Variants in ZNF404 observed in about 807,000 individuals in gnomAD.
ZNF404 encodes zinc finger protein 404.
In ZNF404, 7 loss-of-function variants were observed where a neutral mutation model predicts 7.3. That is an observed-to-expected ratio of 0.95 (90% CI 0.54 to 1.79). ZNF404 has a LOEUF of 1.79. ZNF404 is among the 40% of genes most tolerant of loss of function. ZNF404 has a pLI of 0.00. For missense variants in ZNF404, 560 were observed against 661.5 expected, an observed-to-expected ratio of 0.85 and a Z score of 1.68; for synonymous variants, 191 against 209.9, an observed-to-expected ratio of 0.91 and a Z score of 0.78.
intron 2 of ZNF404, among the ~76,000 whole-genome samples, chr19:43,879,727 A>G (rs1465682845): frequency 1.3e-5 from 2 of 152,228 alleles, no homozygotes; most frequent in South Asian, 2.1e-4. Context: ...CTTTGCAGAA[A>G]AATACCAGAA....
At chr19:43,881,956 T>TAAA (rs1971897948) in intron 1 of ZNF404, among the ~76,000 whole-genome samples, 1 of 19,388 alleles carries the variant, frequency 5.2e-5, no homozygotes, top group Non-Finnish European at 9.5e-5. Flanking sequence ...AAACTCTGTC[T>TAAA]CAAAAAAAAA....
rs1386824717 is a variant in ZNF404 at position 43,877,942 on chromosome 19, A to G, written c.136+2068T>C. ...CATTTTTATGGCTGCATAGTATTCC[A>G]TGGTGTATATGTGCCACATTTTCTT... is the stretch of plus-strand genomic sequence containing the variant. On this transcript the variant is annotated intron_variant, in intron 2 of 2. Transcript: ENST00000587539. Among the ~76,000 whole-genome samples, 3 of 145,594 alleles carry G rather than the reference A, an allele frequency of 2.1e-5. No homozygotes were observed. In the Admixed American group the frequency reaches 2.1e-4, roughly 10 times the overall value.
At position 43,880,201 on chromosome 19, in the gene ZNF404, A is replaced by G. The variant is rs1971885611; in HGVS notation, c.10-65T>C. ...AAGACTTTTCAAGATGGAACATTAAATTGCAATAAAGGGGCAATATGTAAA... is the reference window on the plus strand; with the variant it reads ...AAGACTTTTCAAGATGGAACATTAAGTTGCAATAAAGGGGCAATATGTAAA... On this transcript the variant is annotated intron_variant, in intron 1 of 2. Coordinates refer to ENST00000587539, the MANE Select transcript of ZNF404 (RefSeq NM_001033719.3). The G allele has an allele frequency of 4.8e-6, 7 of 1,447,172 alleles. No individual in the cohort carries two copies. In the East Asian group the frequency reaches 1.4e-4, roughly 28 times the overall value. The allele number at this position is 1,447,172 out of a possible 1,614,324, so 89.6% of individuals were successfully genotyped here. A position where few individuals can be genotyped will look rare whatever the true frequency, so the allele number is the denominator to read the frequency against.
intron 1 of ZNF404, among the ~76,000 whole-genome samples, chr19:43,882,840 A>T (rs1266040645): frequency 6.6e-6 from 1 of 151,090 alleles, no homozygotes; most frequent in African/African-American, 2.4e-5. Context: ...GTGGCTCATG[A>T]CTGTAATCCC....
intron 2 of ZNF404, among the ~76,000 whole-genome samples, chr19:43,877,538 A>C (rs1036155280): frequency 6.6e-6 from 1 of 152,088 alleles, no homozygotes. Flanking sequence ...AAACATTAAG[A>C]GGGATCAGAT....
Position 43,873,081 on chromosome 19 carries a change from G to A in ZNF404, c.1133C>T (p.Thr378Ile). 1 of 1,612,822 alleles carries A rather than the reference G, an allele frequency of 6.2e-7. No individual in the cohort carries two copies. Among genetic ancestry groups the A allele is most frequent in the Non-Finnish European group, 8.5e-7 (1 of 1,179,340 alleles). Residue 378 changes from threonine (T) to isoleucine (I), a missense_variant, in exon 3 of 3, where the codon ACT becomes ATT. Thr to Ile is a moderately conservative substitution (Grantham distance 89). Transcript: ENST00000587539. ...TTTACATTCATGTGGCTTCTCACCA[G>A]TATGAATTCTCTGATGCTGTGTAAG... is the stretch of plus-strand genomic sequence containing the variant. The part of the protein sequence containing the change: ...SQLTQHQRIH[T>I]GEKPHECKEC...
chr19:43,876,536 TA>T (rs887164976), intron 2 of ZNF404, among the ~76,000 whole-genome samples: 6 of 151,962 alleles, frequency 3.9e-5, no homozygotes, highest in African/African-American at 7.2e-5. Flanking sequence ...TAAAGAATGT[TA>T]AAAAAATCAT....
At chr19:43,880,733 G>C (rs1032979087) in intron 1 of ZNF404, among the ~76,000 whole-genome samples, 1 of 152,136 alleles carries the variant, frequency 6.6e-6, no homozygotes, top group African/African-American at 2.4e-5. Flanking sequence ...ACTGTAAGGA[G>C]ACAATTTCTA....
At chr19:43,877,343 G>C (rs906799042) in intron 2 of ZNF404, among the ~76,000 whole-genome samples, 24 of 152,092 alleles carry the variant, frequency 1.6e-4, no homozygotes, top group African/African-American at 5.8e-4. Flanking sequence ...CAATTAGTTA[G>C]CTCCCTGTTG....
At position 43,872,748 on chromosome 19, in the gene ZNF404, T is replaced by G; in HGVS notation, c.1466A>C (p.His489Pro). ...ISGLSQHKRI[H>P]TGEKPYECKE... ...ACATTCATAGGGTTTTTCACCAGTATGAATTCTCTTATGTTGAGAAAGACC... is the reference window on the plus strand; with the variant it reads ...ACATTCATAGGGTTTTTCACCAGTAGGAATTCTCTTATGTTGAGAAAGACC... Residue 489 changes from histidine (H) to proline (P), a missense_variant, in exon 3 of 3, where the codon CAT becomes CCT. Coordinates refer to ENST00000587539, the MANE Select transcript of ZNF404 (RefSeq NM_001033719.3). This position sits in a 1 kb window ranked among gnomAD's most constrained non-coding sequence, Gnocchi z 4.4. 1 of 1,613,060 alleles carries G rather than the reference T, an allele frequency of 6.2e-7. No individual in the cohort carries two copies.
rs746834963 is a variant in ZNF404, at chr19:43,873,197, GC to G, written c.1016del (p.Gly339AlafsTer65). The G allele has an allele frequency of 1.2e-6, 2 of 1,612,452 alleles. No homozygotes were observed. The highest frequency in any genetic ancestry group is 1.7e-6 in the Non-Finnish European group (2 of 1,178,820). On this transcript the variant is annotated frameshift_variant, in exon 3 of 3. Transcript: ENST00000587539. LOFTEE classifies it low-confidence loss of function (END_TRUNC). ...CMECGKAFGK[G>X]SSLLKHKRIH... ...TTCTCTTATGTTTAAGAAGGCTTGA[GC>G]CCTTACCAAAAGCCTTTCCACATTC...
At chr19:43,877,913 T>C (rs1158367795) in intron 2 of ZNF404, among the ~76,000 whole-genome samples, 1 of 150,432 alleles carries the variant, frequency 6.6e-6, no homozygotes, top group Non-Finnish European at 1.5e-5. Flanking sequence ...GGACATGAAC[T>C]CATCATTTTT....
At chr19:43,883,639 A>G (rs755305598) in intron 1 of ZNF404, among the ~76,000 whole-genome samples, 8 of 152,210 alleles carry the variant, frequency 5.3e-5, no homozygotes, top group Non-Finnish European at 1.0e-4. Context: ...CATTGTTCCT[A>G]TGCCACGAAA....
chr19:43,883,308 C>T (rs900003202), intron 1 of ZNF404, among the ~76,000 whole-genome samples: 2 of 152,126 alleles, frequency 1.3e-5, no homozygotes, highest in Non-Finnish European at 2.9e-5. Context: ...TTCTACAACT[C>T]TTTATAGATC....
Position 43,872,594 on chromosome 19 carries a change from T to C in ZNF404, c.1620A>G (p.Gln540=), listed in dbSNP as rs1292630941. The C allele has an allele frequency of 1.2e-6, 2 of 1,609,248 alleles. No individual in the cohort carries two copies. The highest frequency in any genetic ancestry group is 1.7e-6 in the Non-Finnish European group (2 of 1,177,684). ...TCTCACCATGGTGAAATCTTTGATGTTGACTAAGTTGATAGCAATGACTAA... is the reference window on the plus strand; with the variant it reads ...TCTCACCATGGTGAAATCTTTGATGCTGACTAAGTTGATAGCAATGACTAA... The part of the protein sequence containing the change: ...KAFSHCYQLS[Q]HQRFHHGERL... The change falls in exon 3 of 3, where the codon CAA becomes CAG. Residue 540 remains glutamine, a synonymous_variant. Coordinates refer to ENST00000587539, the MANE Select transcript of ZNF404 (RefSeq NM_001033719.3). This position sits in a 1 kb window ranked among gnomAD's most constrained non-coding sequence, Gnocchi z 4.4.
intron 2 of ZNF404, among the ~76,000 whole-genome samples, chr19:43,878,640 A>G (rs1370424234): frequency 2.0e-5 from 3 of 152,226 alleles, no homozygotes. Flanking sequence ...ATATAGGGGT[A>G]GGCAGAACAA....
intron 2 of ZNF404, among the ~76,000 whole-genome samples, chr19:43,874,292 G>A (rs1186694594): frequency 6.6e-6 from 1 of 152,026 alleles, no homozygotes; most frequent in Non-Finnish European, 1.5e-5. Context: ...TTATGAGTAG[G>A]CAAAGACAAA....
chr19:43,878,032 G>A (rs200319768), intron 2 of ZNF404, among the ~76,000 whole-genome samples: 2,884 of 122,846 alleles, frequency 0.023, 147 homozygotes, highest in East Asian at 0.21. Flanking sequence ...GAATAATGCC[G>A]CAATAAACAT....
At chr19:43,879,960 C>G in intron 2 of ZNF404, 50 bp downstream of exon 2, 1 of 1,604,230 alleles carries the variant, frequency 6.2e-7, no homozygotes, top group South Asian at 1.1e-5. Flanking sequence ...ACAGAGAAGG[C>G]TGATATTCTA....
Sources: allele counts gnomAD v4.1 joint callset (sites outside exome capture counted in the v4.1 genomes callset), GRCh38; gene constraint gnomAD v4.1.1; non-coding constraint Gnocchi (gnomAD v3.1); transcripts MANE v1.5; gene names NCBI Gene and HGNC (gene_info 2026-07-23, HGNC 2026-07-21).